The following USP7 variants were observed in gnomAD, a reference collection of about 807,000 sequenced individuals.
USP7 encodes ubiquitin C-terminal hydrolase 7.
A neutral mutation model predicts 162.9 loss-of-function variants in USP7; 9 were observed. The ratio of observed to expected loss-of-function variants is 0.06; its 90% CI spans 0.03 to 0.10. The LOEUF (loss-of-function observed/expected upper bound fraction) is 0.10, where lower values mean the gene tolerates loss of function less well. USP7 is among the 10% of genes least tolerant of loss of function. The pLI, the probability that USP7 is intolerant of heterozygous loss-of-function variation, is 1.00. For missense variants in USP7, 715 were observed against 1,373.7 expected (o/e 0.52, Z 7.58); for synonymous variants, 562 against 475.9 (o/e 1.18, Z -2.35).
rs144026244 is a variant in USP7, at chr16:8,945,740, G to A, written c.80-15343C>T. ...ATATGGAACAATAAAAGATTGAGTA[G>A]GTAAAACAATTTTGAATAACACAGA... On this transcript the variant is annotated intron_variant, in intron 1 of 30. Coordinates refer to ENST00000344836, the MANE Select transcript of USP7 (RefSeq NM_003470.3). Among the ~76,000 whole-genome samples the A allele has an allele frequency of 2.5e-3, 386 of 152,090 alleles. 2 individuals carry two copies. The highest frequency in any genetic ancestry group is 8.6e-3 in the African/African-American group (359 of 41,508).
Position 8,908,418 on chromosome 16 carries a change from C to A in USP7, c.1194G>T (p.Leu398Phe), listed in dbSNP as rs766595112. 1 of 1,612,504 alleles carries A rather than the reference C, an allele frequency of 6.2e-7. No individual in the cohort carries two copies. Among genetic ancestry groups the A allele is most frequent in the Non-Finnish European group, 8.5e-7 (1 of 1,179,506 alleles). ...EAEKGVKFLT[L>F]PPVLHLQLMR... ...TCAGTTGTAGATGTAACACTGGTGGCAATGTTAGGAATTTCACACCTTTCT... is the reference window on the plus strand; with the variant it reads ...TCAGTTGTAGATGTAACACTGGTGGAAATGTTAGGAATTTCACACCTTTCT... The change falls in exon 12 of 31, where the codon TTG becomes TTT. Residue 398 changes from leucine (L) to phenylalanine (F), a missense_variant. Physicochemically the swap from Leu to Phe is conservative, Grantham distance 22 (BLOSUM62 0). Transcript: ENST00000344836.
chr16:8,923,374 A>G lies in USP7; in HGVS notation c.224T>C (p.Val75Ala). Residue 75 changes from valine to alanine, a missense_variant, in exon 3 of 31, where the codon GTG (valine) becomes GCG (alanine). Physicochemically the swap from Val to Ala is moderately conservative, Grantham distance 64. Coordinates refer to ENST00000344836, the MANE Select transcript of USP7 (RefSeq NM_003470.3). Reference sequence around the variant, plus strand: ...CTCACTCAGTCTGCTGAAGCGCTCCACAGTGAACTGAAAGGTTGCCTCGGA... The same window carrying G: ...CTCACTCAGTCTGCTGAAGCGCTCCGCAGTGAACTGAAAGGTTGCCTCGGA... ...WRSEATFQFTVERFSRLSESV... is the reference protein window; with the variant it reads ...WRSEATFQFTAERFSRLSESV... 1 of 1,614,246 alleles carries G rather than the reference A, an allele frequency of 6.2e-7. No individual in the cohort carries two copies. Among genetic ancestry groups the G allele is most frequent in the Non-Finnish European group, 8.5e-7 (1 of 1,180,048 alleles).
At position 8,963,197 on chromosome 16, in the gene USP7, C is replaced by T; in HGVS notation, c.79+10G>A. Reference sequence around the variant, plus strand: ...CCCCGGCCCCGCCGCGGCCGGCCCTCGGGCCTCACCTTCCATCTCCATGTC... The same window carrying T: ...CCCCGGCCCCGCCGCGGCCGGCCCTTGGGCCTCACCTTCCATCTCCATGTC... On this transcript the variant is annotated intron_variant, in intron 1 of 30. Transcript: ENST00000344836. 2 of 1,410,950 alleles carry T rather than the reference C, an allele frequency of 1.4e-6. No homozygotes were observed. Among genetic ancestry groups the T allele is most frequent in the Admixed American group, 2.5e-5 (1 of 39,836 alleles). 87.4% of individuals were successfully genotyped at this position (1,410,950 alleles called of 1,614,324 possible). A position where few individuals can be genotyped will look rare whatever the true frequency, so the allele number is the denominator to read the frequency against.
chr16:8,944,352 G>A (rs897644415), intron 1 of USP7, among the ~76,000 whole-genome samples: 2 of 152,086 alleles, frequency 1.3e-5, no homozygotes, highest in Non-Finnish European at 2.9e-5. Context: ...CTGGAACAAA[G>A]GAATTGCCTG....
chr16:8,921,104 GAAC>G, intron 4 of USP7, 50 bp downstream of exon 4: 3 of 1,557,688 alleles, frequency 1.9e-6, no homozygotes, highest in Non-Finnish European at 1.7e-6. Flanking sequence ...AAAGTTAAGG[GAAC>G]AACAAGCAGT....
Position 8,900,999 on chromosome 16 carries a change from G to A in USP7, c.2199C>T (p.Ile733=), listed in dbSNP as rs2061765400. The change falls in exon 20 of 31, where the codon ATC becomes ATT. Residue 733 remains isoleucine (I), a synonymous_variant. Coordinates refer to ENST00000344836, the MANE Select transcript of USP7 (RefSeq NM_003470.3). ...RAGFIQDTSL[I]LYEEVKPNLT... ...AATAAACCATCCAAACCTCATAGAG[G>A]ATAAGGCTAGTATCTTGAATAAATC... 6.2e-7 allele frequency: 1 copy of A among 1,613,970 alleles called. No individual in the cohort carries two copies. The highest frequency in any genetic ancestry group is 8.5e-7 in the Non-Finnish European group (1 of 1,179,938).
At chr16:8,961,259 G>A (rs1225237321) in intron 1 of USP7, among the ~76,000 whole-genome samples, 1 of 152,054 alleles carries the variant, frequency 6.6e-6, no homozygotes, top group Non-Finnish European at 1.5e-5. Flanking sequence ...TTGGAAGGAC[G>A]AGGCGGGCAG....
chr16:8,959,942 C>A (rs1331600801), intron 1 of USP7, among the ~76,000 whole-genome samples: 1 of 152,202 alleles, frequency 6.6e-6, no homozygotes, highest in Non-Finnish European at 1.5e-5. Flanking sequence ...AGAGCCGACA[C>A]TGAAACAGAG....
At chr16:8,950,244 T>G (rs1012147017) in intron 1 of USP7, among the ~76,000 whole-genome samples, 9 of 152,172 alleles carry the variant, frequency 5.9e-5, no homozygotes, top group Non-Finnish European at 8.8e-5. Flanking sequence ...GAAATAATGT[T>G]ATCACTCAGA....
intron 16 of USP7, 29 bp downstream of exon 16, chr16:8,903,239 T>A (rs2061806158): frequency 6.3e-7 from 1 of 1,592,136 alleles, no homozygotes; most frequent in African/African-American, 1.3e-5. Flanking sequence ...GGAGCCACGG[T>A]GGGGTATATC....
chr16:8,947,960 C>T (rs1282260897), intron 1 of USP7, among the ~76,000 whole-genome samples: 1 of 152,164 alleles, frequency 6.6e-6, no homozygotes, highest in Non-Finnish European at 1.5e-5. Context: ...GGTCTTTAGG[C>T]TCCATTACTG....
Position 8,906,516 on chromosome 16 carries a change from T to C in USP7, c.1338A>G (p.Ala446=), listed in dbSNP as rs1445768846. 6.2e-7 allele frequency: 1 copy of C among 1,613,572 alleles called. No individual in the cohort carries two copies. ...FLQKTDPKDP[A]NYILHAVLVH... is the part of the protein sequence containing the mutation. ...CCAGGACTGCATGAAGAATATAATT[T>C]GCAGGGTCCTTAGGATCTGTTTTTT... Residue 446 remains alanine (A), a synonymous_variant, in exon 13 of 31, where the codon GCA becomes GCG. Transcript: ENST00000344836.
At chr16:8,904,667 G>C in intron 14 of USP7, 102 bp from the exon 15 acceptor site, 24 of 1,512,796 alleles carry the variant, frequency 1.6e-5, no homozygotes, top group Non-Finnish European at 2.1e-5. Flanking sequence ...TATTAGGCCG[G>C]CGTGGTGGCT....
chr16:8,922,978 C>T (rs1391109367), intron 3 of USP7, among the ~76,000 whole-genome samples: 3 of 152,210 alleles, frequency 2.0e-5, no homozygotes, highest in African/African-American at 7.2e-5. Flanking sequence ...CTAATCCAGG[C>T]CGGCCCTGAT....
At position 8,898,554 on chromosome 16, in the gene USP7, G is replaced by A. The variant is rs771237858; in HGVS notation, c.2617C>T (p.Pro873Ser). Residue 873 changes from proline to serine, a missense_variant, in exon 24 of 31, where the codon CCT becomes TCT. Around this residue, in one of 11 missense-constraint regions of USP7, gnomAD observed 222 missense variants for 441.7 expected, o/e 0.50. Coordinates refer to ENST00000344836, the MANE Select transcript of USP7 (RefSeq NM_003470.3). Reference sequence around the variant, plus strand: ...ACCTGCTGATAGTAAAGTTTCTTAGGTTGTCTAGGCTTGAAGAACTGTAGA... The same window carrying A: ...ACCTGCTGATAGTAAAGTTTCTTAGATTGTCTAGGCTTGAAGAACTGTAGA... Reference protein sequence around the residue: ...DLLQFFKPRQPKKLYYQQLKM... With the variant: ...DLLQFFKPRQSKKLYYQQLKM... The A allele has an allele frequency of 1.2e-6, 2 of 1,611,552 alleles. No individual in the cohort carries two copies. Among genetic ancestry groups the A allele is most frequent in the Non-Finnish European group, 1.7e-6 (2 of 1,179,308 alleles).
In USP7 at chr16:8,942,165, G is replaced by A. The variant is rs1014085705; in HGVS notation, c.80-11768C>T. ...AGCTATGGAGGGCCTTGAAGGCCAC[G>A]ATAAGCATTCTTAACTTCACTCTAA... On this transcript the variant is annotated intron_variant, in intron 1 of 30. Transcript: ENST00000344836. Among the ~76,000 whole-genome samples the A allele has an allele frequency of 1.2e-4, 18 of 152,368 alleles. No homozygotes were observed. In the South Asian group the frequency reaches 1.2e-3, roughly 11 times the overall value.
intron 1 of USP7, among the ~76,000 whole-genome samples, chr16:8,934,271 C>T (rs564817228): frequency 3.3e-5 from 5 of 152,164 alleles, no homozygotes; most frequent in Non-Finnish European, 5.9e-5. Context: ...AACTCTACAA[C>T]TGCTCTGTAA....
intron 1 of USP7, among the ~76,000 whole-genome samples, chr16:8,960,133 A>G (rs1899954835): frequency 1.3e-5 from 2 of 152,238 alleles, no homozygotes; most frequent in African/African-American, 4.8e-5. Context: ...CACCAAAGTT[A>G]GCGAATAAAT....
At chr16:8,921,399 C>G (rs1270432718) in intron 3 of USP7, 104 bp from the exon 4 acceptor site, 4 of 1,328,450 alleles carry the variant, frequency 3.0e-6, no homozygotes, top group South Asian at 1.5e-5. Context: ...TTTATGATTT[C>G]ATTGCTCTCT....
Sources: allele counts gnomAD v4.1 joint callset (sites outside exome capture counted in the v4.1 genomes callset), GRCh38; gene constraint gnomAD v4.1.1; regional missense constraint gnomAD v4.1.1; transcripts MANE v1.5; gene names NCBI Gene and HGNC (gene_info 2026-07-23, HGNC 2026-07-21).